Variants in PRKCA observed in about 807,000 individuals in gnomAD.
PRKCA encodes protein kinase C alpha type.
PRKCA carries 27 observed loss-of-function variants against 87.0 expected under a neutral mutation model. That is an observed-to-expected ratio of 0.31 (90% CI 0.23 to 0.43). PRKCA has a LOEUF of 0.43. Ranked by LOEUF, PRKCA falls within the 20% of genes least tolerant of loss-of-function variation. The pLI, the probability that PRKCA is intolerant of heterozygous loss-of-function variation, is 1.00. For missense variants in PRKCA, 518 were observed against 852.3 expected, an observed-to-expected ratio of 0.61 and a Z score of 4.88; for synonymous variants, 329 against 311.1, an observed-to-expected ratio of 1.06 and a Z score of -0.61.
At chr17:66,363,656 A>G (rs773836336) in intron 2 of PRKCA, among the ~76,000 whole-genome samples, 8 of 152,196 alleles carry the variant, frequency 5.3e-5, no homozygotes, top group Non-Finnish European at 1.2e-4. Flanking sequence ...TGTGCTAGCC[A>G]CGGGGTGGAT....
chr17:66,540,517 G>A (rs1233969980), intron 3 of PRKCA, among the ~76,000 whole-genome samples: 4 of 152,320 alleles, frequency 2.6e-5, no homozygotes, highest in East Asian at 3.9e-4. Flanking sequence ...CAGTTGGGTG[G>A]CGGGCTGCCG....
intron 3 of PRKCA, among the ~76,000 whole-genome samples, chr17:66,585,736 C>G (rs1376211045): frequency 2.0e-5 from 3 of 152,230 alleles, no homozygotes; most frequent in Non-Finnish European, 2.9e-5. Context: ...GTTCTTGAGA[C>G]TGGAACCTGG....
At position 66,621,476 on chromosome 17, in the gene PRKCA, A is replaced by G. The variant is rs116283224; in HGVS notation, c.289-19879A>G. 5.8e-3 allele frequency among the ~76,000 whole-genome samples: 887 copies of G among 152,284 alleles called. 12 individuals are homozygous for G. Among genetic ancestry groups the G allele is most frequent in the African/African-American group, 0.02 (832 of 41,556 alleles). Reference sequence around the variant, plus strand: ...TGTGAAACCTGTTATAATCAATTCAATCATACCACCCGTTTTGACCACTTA... The same window carrying G: ...TGTGAAACCTGTTATAATCAATTCAGTCATACCACCCGTTTTGACCACTTA... On this transcript the variant is annotated intron_variant, in intron 3 of 16. Transcript: ENST00000413366.
chr17:66,594,071 A>G (rs901647076), intron 3 of PRKCA, among the ~76,000 whole-genome samples: 21 of 152,208 alleles, frequency 1.4e-4, no homozygotes, highest in African/African-American at 3.9e-4. Context: ...GGCAACAAGA[A>G]TGAAACTCCG....
At chr17:66,787,036 T>TC (rs755261858) in intron 15 of PRKCA, 62 bp downstream of exon 15, 2 of 1,196,262 alleles carry the variant, frequency 1.7e-6, no homozygotes, top group Non-Finnish European at 2.5e-6. Context: ...AGAAATACTT[T>TC]CCCCACACTT....
intron 2 of PRKCA, among the ~76,000 whole-genome samples, chr17:66,465,395 A>AT (rs547918692): frequency 2.4e-3 from 359 of 151,772 alleles, no homozygotes; most frequent in Middle Eastern, 0.02. Context: ...TTATTTTTTA[A>AT]TTTTTTTTAA....
At chr17:66,740,216 C>T (rs183122764) in intron 11 of PRKCA, among the ~76,000 whole-genome samples, 37 of 151,958 alleles carry the variant, frequency 2.4e-4, no homozygotes, top group Middle Eastern at 3.4e-3. Flanking sequence ...TGATGGGATG[C>T]GGGAGTCGGC....
intron 2 of PRKCA, among the ~76,000 whole-genome samples, chr17:66,315,895 A>G (rs11658654): frequency 0.97 from 147,349 of 152,326 alleles, 71,278 homozygotes; most frequent in East Asian, 1. Flanking sequence ...TGCAGGGCGC[A>G]GGACAGAAGA....
intron 2 of PRKCA, among the ~76,000 whole-genome samples, chr17:66,454,095 A>C (rs1351085490): frequency 6.6e-6 from 1 of 152,236 alleles, no homozygotes; most frequent in Non-Finnish European, 1.5e-5. Context: ...TTTTAGCAGA[A>C]TTAATCTGAA....
chr17:66,644,875 A>G (rs1971410779), intron 4 of PRKCA, among the ~76,000 whole-genome samples: 2 of 152,120 alleles, frequency 1.3e-5, no homozygotes, highest in African/African-American at 4.8e-5. Flanking sequence ...CCATAGTCCC[A>G]GTACTTTAGG....
chr17:66,353,262 A>G (rs1247814219), intron 2 of PRKCA, among the ~76,000 whole-genome samples: 1 of 152,094 alleles, frequency 6.6e-6, no homozygotes, highest in African/African-American at 2.4e-5. Flanking sequence ...ATTTTTGATG[A>G]CTCATTTTGA....
At chr17:66,475,329 T>C (rs2144030218) in intron 2 of PRKCA, among the ~76,000 whole-genome samples, 1 of 152,230 alleles carries the variant, frequency 6.6e-6, no homozygotes, top group Middle Eastern at 3.4e-3. Context: ...AGTAGCTCTT[T>C]TGGCAGCCAT....
chr17:66,768,996 A>G (rs12232511), intron 13 of PRKCA, among the ~76,000 whole-genome samples: 16,380 of 152,158 alleles, frequency 0.11, 927 homozygotes, highest in Admixed American at 0.13. Context: ...TACTGCCACT[A>G]TTCTCAAGGA....
intron 2 of PRKCA, among the ~76,000 whole-genome samples, chr17:66,483,223 A>T (rs921591835): frequency 8.5e-5 from 13 of 152,120 alleles, no homozygotes; most frequent in African/African-American, 3.1e-4. Context: ...CAGCTTAAAC[A>T]ACGAAAGTGT....
At chr17:66,633,155 G>T (rs1271040262) in intron 3 of PRKCA, among the ~76,000 whole-genome samples, 1 of 152,154 alleles carries the variant, frequency 6.6e-6, no homozygotes, top group African/African-American at 2.4e-5. Flanking sequence ...CTGAGAAGGG[G>T]CATGGCAGCT....
chr17:66,419,205 C>T (rs1211761675), intron 2 of PRKCA, among the ~76,000 whole-genome samples: 1 of 152,152 alleles, frequency 6.6e-6, no homozygotes, highest in African/African-American at 2.4e-5. Flanking sequence ...GTTAGGCAGT[C>T]ATGTGCTCAA....
chr17:66,745,505 C>T (rs1974257985), intron 13 of PRKCA, among the ~76,000 whole-genome samples: 1 of 152,108 alleles, frequency 6.6e-6, no homozygotes, highest in Admixed American at 6.6e-5. Context: ...CATAGTGAAA[C>T]CCCATCTCTA....
chr17:66,470,190 C>CT (rs546468555), intron 2 of PRKCA, among the ~76,000 whole-genome samples: 62 of 101,448 alleles, frequency 6.1e-4, no homozygotes, highest in African/African-American at 1.4e-3. Flanking sequence ...AACCAGTTTG[C>CT]TTTTTTTTTT....
chr17:66,445,431 C>A (rs1028541601), intron 2 of PRKCA, among the ~76,000 whole-genome samples: 1 of 152,232 alleles, frequency 6.6e-6, no homozygotes, highest in Non-Finnish European at 1.5e-5. Flanking sequence ...AGAAGAATTA[C>A]CTCGGAGTAG....
Sources: gnomAD v4.1 joint callset for allele counts (sites outside exome capture counted in the v4.1 genomes callset) on GRCh38, gnomAD v4.1.1 for gene constraint, MANE v1.5 for transcripts, NCBI Gene and HGNC (gene_info 2026-07-23, HGNC 2026-07-21) for gene names.